Variants in PDE1C observed in about 807,000 individuals in gnomAD.
PDE1C encodes phosphodiesterase 1C, also known as dual specificity calcium/calmodulin-dependent 3',5'-cyclic nucleotide phosphodiesterase 1C.
PDE1C carries 62 observed loss-of-function variants against 93.1 expected under a neutral mutation model. That is an observed-to-expected ratio of 0.67 (90% confidence interval 0.54 to 0.82). The LOEUF (loss-of-function observed/expected upper bound fraction) is 0.82, where lower values mean the gene tolerates loss of function less well. Ranked by LOEUF, PDE1C falls within the 40% of genes least tolerant of loss-of-function variation. PDE1C has a pLI of 0.00. For synonymous variants in PDE1C, 325 were observed against 310.1 expected (o/e 1.05, Z -0.50); for missense variants, 742 against 884.6 (o/e 0.84, Z 2.04).
At chr7:31,732,382 G>C in the PDE1C span, among the ~76,000 whole-genome samples, 1 of 151,188 alleles carries the variant, frequency 6.6e-6, no homozygotes, top group Non-Finnish European at 1.5e-5. Context: ...TTTTTTTTTA[G>C]AAGTAAGTGA....
At chr7:32,093,458 C>G (rs945572141) in intron 3 of PDE1C, among the ~76,000 whole-genome samples, 1 of 152,210 alleles carries the variant, frequency 6.6e-6, no homozygotes, top group African/African-American at 2.4e-5. Flanking sequence ...GACTCATTTA[C>G]CCAAGGACTC....
intron 16 of PDE1C, among the ~76,000 whole-genome samples, chr7:31,790,843 C>A (rs6961779): frequency 0.84 from 128,025 of 152,026 alleles, 54,527 homozygotes; most frequent in Non-Finnish European, 0.91. Flanking sequence ...AGGTTAATGA[C>A]AATAGACAAT....
chr7:31,934,557 A>C (rs1252140435), intron 2 of PDE1C, among the ~76,000 whole-genome samples: 2 of 79,708 alleles, frequency 2.5e-5, no homozygotes, highest in Admixed American at 1.1e-4. Context: ...TAGCACCACC[A>C]ATACAAAAAA....
chr7:31,911,678 G>T (rs182144998), intron 2 of PDE1C, among the ~76,000 whole-genome samples: 2 of 152,094 alleles, frequency 1.3e-5, no homozygotes, highest in African/African-American at 4.8e-5. Context: ...AGCCAGGTGT[G>T]CATCATTTCA....
intron 2 of PDE1C, among the ~76,000 whole-genome samples, chr7:31,978,317 T>C (rs1811930428): frequency 6.6e-6 from 1 of 152,178 alleles, no homozygotes; most frequent in Non-Finnish European, 1.5e-5. Flanking sequence ...GATGGGTGTT[T>C]AGAGGATGTA....
At position 32,165,479 on chromosome 7, in the gene PDE1C, T is replaced by C. The variant is rs375257305; in HGVS notation, c.308+4306A>G. Among the ~76,000 whole-genome samples the C allele has an allele frequency of 1.8e-4, 28 of 152,296 alleles. No homozygotes were observed. In the South Asian group the frequency reaches 5.8e-3, roughly 32 times the overall value. ...GGTTTAATTGACTCACAGTTCCACA[T>C]GGCTAGGGAGGCCTCAGGAAACTTA... On this transcript the variant is annotated intron_variant, in intron 3 of 18. Transcript: ENST00000396193.
intron 1 of PDE1C, among the ~76,000 whole-genome samples, chr7:32,242,274 A>C (rs1190256180): frequency 6.6e-6 from 1 of 152,192 alleles, no homozygotes; most frequent in Non-Finnish European, 1.5e-5. Context: ...GCTGATGGAC[A>C]ATGAAGATAG....
chr7:32,268,118 C>G (rs940703970), intron 1 of PDE1C, among the ~76,000 whole-genome samples: 1 of 152,218 alleles, frequency 6.6e-6, no homozygotes, highest in Non-Finnish European at 1.5e-5. Context: ...TGTGGAGGTC[C>G]ATTCCTAGGC....
chr7:32,145,189 A>G (rs1201940568), intron 3 of PDE1C, among the ~76,000 whole-genome samples: 1 of 152,222 alleles, frequency 6.6e-6, no homozygotes. Flanking sequence ...TTCTAAAGGC[A>G]GAAAGGTCAT....
the PDE1C span, among the ~76,000 whole-genome samples, chr7:31,679,845 G>A: frequency 1.6e-3 from 251 of 152,290 alleles, no homozygotes; most frequent in African/African-American, 5.7e-3. Context: ...TGGGGATTAG[G>A]CTTGGTTCCT....
the PDE1C span, among the ~76,000 whole-genome samples, chr7:31,681,396 G>GT: frequency 2.7e-3 from 413 of 150,726 alleles, no homozygotes; most frequent in African/African-American, 9.2e-3. Context: ...TGGATGGATG[G>GT]ATGGATGGAT....
rs566277746 is a variant in PDE1C at position 31,956,924 on chromosome 7, A to G, written c.129-76064T>C. Among the ~76,000 whole-genome samples, 3 of 152,138 alleles carry G rather than the reference A, an allele frequency of 2.0e-5. No homozygotes were observed. The East Asian group carries it at 5.8e-4, about 29-fold the overall frequency. ...ATTGGGATGCTTCCGTATGCAGAAGAGATTTTTCATCTTGAGTATATAAAT... is the reference window on the plus strand; with the variant it reads ...ATTGGGATGCTTCCGTATGCAGAAGGGATTTTTCATCTTGAGTATATAAAT... On this transcript the variant is annotated intron_variant, in intron 2 of 17. Transcript: ENST00000396191.
At chr7:32,293,623 G>A (rs547438751) in intron 1 of PDE1C, among the ~76,000 whole-genome samples, 1 of 152,274 alleles carries the variant, frequency 6.6e-6, no homozygotes, top group South Asian at 2.1e-4. Context: ...GAGATAATGT[G>A]ATTTGCCCAT....
chr7:32,374,299 GAAAGAAAGAA>G lies in PDE1C; in HGVS notation c.310+53513_310+53522del, dbSNP rs1562696082. 3.3e-3 allele frequency among the ~76,000 whole-genome samples: 501 copies of G among 149,702 alleles called. 2 individuals carry two copies. Among genetic ancestry groups the G allele is most frequent in the African/African-American group, 0.012 (484 of 39,978 alleles). ...AGAAAGAAAGAAAGAAAGAAAGAAA[GAAAGAAAGAA>G]GAAAAGAAAAGAAAACTATGTTCTC... On this transcript the variant is annotated intron_variant, in intron 1 of 1. Transcript: ENST00000672256.
intron 3 of PDE1C, among the ~76,000 whole-genome samples, chr7:32,108,230 C>CAAAAAAAA (rs71559210): frequency 1.2e-3 from 95 of 76,866 alleles, no homozygotes; most frequent in African/African-American, 1.6e-3. Context: ...AAAAGCAAGA[C>CAAAAAAAA]AAAAAAAAAA....
At position 32,374,074 on chromosome 7, in the gene PDE1C, G is replaced by C. The variant is rs1006392586; in HGVS notation, c.310+53748C>G. On this transcript the variant is annotated intron_variant, in intron 1 of 1. Coordinates refer to the PDE1C transcript ENST00000672256. ...GAAAGGGAGGTAGGCAGGAAAGAGG[G>C]AGGAGGGAGGAGGGAGGGAGGGAGG... Among the ~76,000 whole-genome samples, 25 of 45,448 alleles carry C rather than the reference G, an allele frequency of 5.5e-4. No homozygotes were observed. In the Admixed American group the frequency reaches 7.6e-3, roughly 14 times the overall value. The allele number at this position is 45,448 out of a possible 152,430, so 29.8% of individuals were successfully genotyped here.
At chr7:32,389,062 A>G (rs994188143) in intron 1 of PDE1C, among the ~76,000 whole-genome samples, 2 of 152,170 alleles carry the variant, frequency 1.3e-5, no homozygotes, top group Non-Finnish European at 2.9e-5. Context: ...ATTGCCATCA[A>G]ATTATACTGA....
At chr7:32,037,834 A>T (rs1791310510) in intron 2 of PDE1C, among the ~76,000 whole-genome samples, 1 of 152,144 alleles carries the variant, frequency 6.6e-6, no homozygotes, top group Admixed American at 6.5e-5. Context: ...GCATAGTTCC[A>T]CTCAGTAAAC....
chr7:31,997,988 TTTTTATTTTA>T (rs1360599386), intron 2 of PDE1C, among the ~76,000 whole-genome samples: 2 of 149,224 alleles, frequency 1.3e-5, no homozygotes, highest in Non-Finnish European at 3.0e-5. Context: ...AAACATCTTA[TTTTTATTTTA>T]TTTTATTTTA....
Sources: gnomAD v4.1 joint callset for allele counts (sites outside exome capture counted in the v4.1 genomes callset) on GRCh38, gnomAD v4.1.1 for gene constraint, MANE v1.5 for transcripts, NCBI Gene and HGNC (gene_info 2026-07-23, HGNC 2026-07-21) for gene names.